MVB12A: variants seen among roughly 807,000 people sequenced by gnomAD.
The protein encoded by MVB12A is multivesicular body subunit 12A.
A neutral mutation model predicts 34.3 loss-of-function variants in MVB12A; 30 were observed. That is an observed-to-expected ratio of 0.88 (90% CI 0.65 to 1.19). The LOEUF (loss-of-function observed/expected upper bound fraction) is 1.19. MVB12A is among the 50% of genes most tolerant of loss of function. The pLI is 0.00. For missense variants in MVB12A, 355 were observed against 369.2 expected, an observed-to-expected ratio of 0.96 and a Z score of 0.31; for synonymous variants, 158 against 158.9, an observed-to-expected ratio of 0.99 and a Z score of 0.04.
chr19:17,423,616 AG>A lies in MVB12A; in HGVS notation c.533+1del. ...CTCTCTGGATGCAGCCAGCCAGCCA[AG>A]GTGAGTCCTCAGGCACCGGAGTGGG... ...GLSLDAASQP[S>X]KGGLLERTAS... On this transcript the variant is annotated frameshift_variant and splice_region_variant, in exon 5 of 9. Transcript: ENST00000317040. LOFTEE classifies it high-confidence loss of function. The A allele has an allele frequency of 6.2e-7, 1 of 1,613,988 alleles. No individual in the cohort carries two copies. Among genetic ancestry groups the A allele is most frequent in the Non-Finnish European group, 8.5e-7 (1 of 1,179,970 alleles).
intron 4 of MVB12A, among the ~76,000 whole-genome samples, chr19:17,423,295 A>T (rs983519678): frequency 3.5e-4 from 50 of 143,938 alleles, no homozygotes; most frequent in African/African-American, 1.3e-3. Flanking sequence ...GGAGGTGGAG[A>T]TTGCAGTGAG....
Position 17,423,635 on chromosome 19 carries a change from G to C in MVB12A, c.533+18G>C. On this transcript the variant is annotated intron_variant, in intron 5 of 8. Coordinates refer to ENST00000317040, the MANE Select transcript of MVB12A (RefSeq NM_138401.4). Reference sequence around the variant, plus strand: ...CAGCCAAGGTGAGTCCTCAGGCACCGGAGTGGGGGTGGCCGTTGTGGGAGG... The same window carrying C: ...CAGCCAAGGTGAGTCCTCAGGCACCCGAGTGGGGGTGGCCGTTGTGGGAGG... 6.2e-7 allele frequency: 1 copy of C among 1,613,652 alleles called. No individual in the cohort carries two copies. Among genetic ancestry groups the C allele is most frequent in the Non-Finnish European group, 8.5e-7 (1 of 1,179,788 alleles).
In MVB12A at chr19:17,425,056, CCCCTCACT is replaced by C. The variant is rs2074862922; in HGVS notation, c.*64_*71del. On this transcript the variant is annotated 3_prime_UTR_variant, in exon 9 of 9. Transcript: ENST00000317040. The stretch of plus-strand genomic sequence containing the variant: ...CCTCCCCGCCAGCCTGGGGCCACCC[CCCCTCACT>C]GCATCCTGGGGCCACCCCCACTCAC... 1.3e-5 allele frequency: 10 copies of C among 796,044 alleles called. No individual in the cohort carries two copies. Among genetic ancestry groups the C allele is most frequent in the African/African-American group, 1.1e-4 (6 of 52,746 alleles). The allele number at this position is 796,044 out of a possible 1,614,324, so 49.3% of individuals were successfully genotyped here. A position where few individuals can be genotyped will look rare whatever the true frequency, so the allele number is the denominator to read the frequency against.
chr19:17,407,126 T>A (rs898600683), intron 2 of MVB12A, among the ~76,000 whole-genome samples: 1 of 152,116 alleles, frequency 6.6e-6, no homozygotes, highest in African/African-American at 2.4e-5. Context: ...TAGCATTGAT[T>A]TCCCCAGCTG....
In MVB12A at chr19:17,420,055, G is replaced by A. The variant is rs1293954967; in HGVS notation, c.-81G>A. ...ATGGCCTTCTGGGAGTTGTAGTTCGGTCGCGAGCGCTGCCGTCGGGAGGCG... is the reference window on the plus strand; with the variant it reads ...ATGGCCTTCTGGGAGTTGTAGTTCGATCGCGAGCGCTGCCGTCGGGAGGCG... On this transcript the variant is annotated 5_prime_UTR_variant, in exon 1 of 9. Coordinates refer to ENST00000317040, the MANE Select transcript of MVB12A (RefSeq NM_138401.4). 5 of 870,026 alleles carry A rather than the reference G, an allele frequency of 5.7e-6. No individual in the cohort carries two copies. The highest frequency in any genetic ancestry group is 3.5e-5 in the East Asian group (1 of 28,622). 53.9% of individuals were successfully genotyped at this position (870,026 alleles called of 1,614,324 possible).
At chr19:17,421,123 C>G in intron 3 of MVB12A, 1 of 456,690 alleles carries the variant, frequency 2.2e-6, no homozygotes, top group South Asian at 1.6e-5. Flanking sequence ...CTTTCCCACC[C>G]TTTCTTGTCA....
In MVB12A at chr19:17,424,925, C is replaced by A; in HGVS notation, c.760-6C>A. Reference sequence around the variant, plus strand: ...CCTGTTCACTCTCTCTCTCCCCATCCCCCAGTATAACTACGGCTTCGTGGT... The same window carrying A: ...CCTGTTCACTCTCTCTCTCCCCATCACCCAGTATAACTACGGCTTCGTGGT... On this transcript the variant is annotated splice_region_variant and splice_polypyrimidine_tract_variant and intron_variant, in intron 8 of 8. Coordinates refer to ENST00000317040, the MANE Select transcript of MVB12A (RefSeq NM_138401.4). The A allele has an allele frequency of 6.2e-7, 1 of 1,604,518 alleles. No homozygotes were observed. The highest frequency in any genetic ancestry group is 8.5e-7 in the Non-Finnish European group (1 of 1,174,376).
chr19:17,415,213 A>G (rs550114348), upstream of MVB12A: 2 of 152,280 alleles, frequency 1.3e-5, no homozygotes, highest in Admixed American at 1.3e-4. Context: ...TGTTTCCCAT[A>G]TGAGTAGACT....
chr19:17,410,076 A>C (rs1010128596), intron 2 of MVB12A, among the ~76,000 whole-genome samples: 17 of 152,146 alleles, frequency 1.1e-4, no homozygotes, highest in African/African-American at 3.9e-4. Context: ...TTTTAATGGC[A>C]TTAATTAATT....
At chr19:17,410,490 T>A (rs1357205315) in intron 2 of MVB12A, among the ~76,000 whole-genome samples, 4 of 44,964 alleles carry the variant, frequency 8.9e-5, no homozygotes, top group Admixed American at 6.7e-4. Context: ...TCTTTTGGTT[T>A]TAGCTTCATA....
At chr19:17,411,299 GA>G (rs977403926) in intron 2 of MVB12A, among the ~76,000 whole-genome samples, 1 of 151,520 alleles carries the variant, frequency 6.6e-6, no homozygotes, top group African/African-American at 2.4e-5. Context: ...TAGATTTGCA[GA>G]AAAAAAACAG....
chr19:17,410,559 T>TATATAC lies in MVB12A; in HGVS notation c.-5+4268_-5+4269insCATATA, dbSNP rs1272535952. The stretch of plus-strand genomic sequence containing the variant: ...ACACACATATATATATACACACACA[T>TATATAC]ATATATACATATATATACATATATA... On this transcript the variant is annotated intron_variant, in intron 2 of 6. Transcript: ENST00000528604. Among the ~76,000 whole-genome samples the TATATAC allele has an allele frequency of 1.8e-3, 200 of 109,598 alleles. 3 individuals are homozygous for TATATAC. The highest frequency in any genetic ancestry group is 7.5e-3 in the African/African-American group (188 of 24,912). 71.9% of individuals were successfully genotyped at this position (109,598 alleles called of 152,430 possible).
In MVB12A at chr19:17,423,702, C is replaced by T. The variant is rs1441218706; in HGVS notation, c.543C>T (p.Gly181=). 1 of 1,613,874 alleles carries T rather than the reference C, an allele frequency of 6.2e-7. No individual in the cohort carries two copies. Among genetic ancestry groups the T allele is most frequent in the Middle Eastern group, 1.6e-4 (1 of 6,062 alleles). ...LDAASQPSKG[G]LLERTASRLG... is the part of the protein sequence containing the mutation. ...GTCATCCCACCTCCAGTAAGGGCGGCCTCCTGGAGCGGACAGCGTCAAGGC... is the reference window on the plus strand; with the variant it reads ...GTCATCCCACCTCCAGTAAGGGCGGTCTCCTGGAGCGGACAGCGTCAAGGC... Residue 181 remains glycine, a synonymous_variant, in exon 6 of 9, where the codon GGC becomes GGT. Transcript: ENST00000317040.
At chr19:17,418,000 G>A (rs4808634), upstream of MVB12A, 113,529 of 169,418 alleles carry the variant, frequency 0.67, 40,258 homozygotes, top group Non-Finnish European at 0.81. Flanking sequence ...AGGTTCAAGC[G>A]ATTCTCCTGC....
intron 3 of MVB12A, 41 bp from the exon 4 acceptor site, chr19:17,422,291 G>T (rs759226832): frequency 1.3e-6 from 2 of 1,582,648 alleles, no homozygotes; most frequent in African/African-American, 1.4e-5. Context: ...TCCCACCCCT[G>T]CCTGGCTTCC....
Position 17,410,517 on chromosome 19 carries a change from T to C in MVB12A, c.-5+4221T>C, listed in dbSNP as rs1371131487. On this transcript the variant is annotated intron_variant, in intron 2 of 6. Transcript: ENST00000528604. ...AGCTTCATATATATATATATATATA[T>C]ATATATATATATACACACACACATA... Among the ~76,000 whole-genome samples, 8 of 87,920 alleles carry C rather than the reference T, an allele frequency of 9.1e-5. 1 individual carries two copies. Among genetic ancestry groups the C allele is most frequent in the African/African-American group, 5.1e-4 (8 of 15,578 alleles). The allele number at this position is 87,920 out of a possible 152,430, so 57.7% of individuals were successfully genotyped here. A position where few individuals can be genotyped will look rare whatever the true frequency, so the allele number is the denominator to read the frequency against.
At chr19:17,423,389 A>G in intron 4 of MVB12A, 109 bp from the exon 5 acceptor site, 13 of 1,388,920 alleles carry the variant, frequency 9.4e-6, no homozygotes, top group Non-Finnish European at 1.3e-5. Context: ...AATTCCCCCA[A>G]AAGACAGAGG....
At chr19:17,423,373 A>T in intron 4 of MVB12A, 125 bp from the exon 5 acceptor site, 1 of 1,325,316 alleles carries the variant, frequency 7.5e-7, no homozygotes, top group Non-Finnish European at 1.0e-6. Flanking sequence ...AAAAAAAAAA[A>T]AAAAAAATTC....
chr19:17,410,497 CATATATATATATATATATATATAT>C lies in MVB12A; in HGVS notation c.-5+4211_-5+4234del, dbSNP rs373127253. Among the ~76,000 whole-genome samples the C allele has an allele frequency of 9.8e-3, 759 of 77,618 alleles. 40 individuals are homozygous for C. Among genetic ancestry groups the C allele is most frequent in the African/African-American group, 0.042 (716 of 16,884 alleles). 50.9% of individuals were successfully genotyped at this position (77,618 alleles called of 152,430 possible). A position where few individuals can be genotyped will look rare whatever the true frequency, so the allele number is the denominator to read the frequency against. On this transcript the variant is annotated intron_variant, in intron 2 of 6. Transcript: ENST00000528604. ...GCTAGCATTCTTTTGGTTTTAGCTT[CATATATATATATATATATATATAT>C]ATATATATACACACACACATATATA... is the stretch of plus-strand genomic sequence containing the variant.
Sources: gnomAD v4.1 joint callset for allele counts (sites outside exome capture counted in the v4.1 genomes callset) on GRCh38, gnomAD v4.1.1 for gene constraint, MANE v1.5 for transcripts, NCBI Gene and HGNC (gene_info 2026-07-23, HGNC 2026-07-21) for gene names.